The following CHST1 variants were observed in gnomAD, a reference collection of about 807,000 sequenced individuals.
CHST1 encodes the protein carbohydrate sulfotransferase 1, also known as Keratan sulfotransferase.
A neutral mutation model predicts 22.5 loss-of-function variants in CHST1; 10 were observed. That is an observed-to-expected ratio of 0.44 (90% CI 0.27 to 0.75). The LOEUF is 0.75. Among genes scored for constraint, CHST1 ranks in the 30% least tolerant of loss-of-function variants. CHST1 has a pLI of 0.15. For missense variants in CHST1, 439 were observed against 576.1 expected, an observed-to-expected ratio of 0.76 and a Z score of 2.44; for synonymous variants, 267 against 264.5, an observed-to-expected ratio of 1.01 and a Z score of -0.09.
chr11:45,650,920 G>C lies in CHST1; in HGVS notation c.4C>G (p.Gln2Glu), dbSNP rs780417954. The C allele has an allele frequency of 1.3e-6, 2 of 1,530,140 alleles. No homozygotes were observed. The highest frequency in any genetic ancestry group is 1.8e-6 in the Non-Finnish European group (2 of 1,138,820). The allele number at this position is 1,530,140 out of a possible 1,614,324, so 94.8% of individuals were successfully genotyped here. ...AGGAGGACGGCCTTCCAGGAACATT[G>C]CATGGCTGGGCACCTTCATGGGGCT... M[Q>E]CSWKAVLLLA... The change falls in exon 4 of 4, where the codon CAA (glutamine) becomes GAA (glutamate). Residue 2 changes from glutamine to glutamate, a missense_variant. Physicochemically the swap from Gln to Glu is conservative, Grantham distance 29. Coordinates refer to ENST00000308064, the MANE Select transcript of CHST1 (RefSeq NM_003654.6).
rs1000809366 is a variant in CHST1 at position 45,657,545 on chromosome 11, G to C, written c.-226-4939C>G. On this transcript the variant is annotated intron_variant, in intron 1 of 3. Coordinates refer to ENST00000308064, the MANE Select transcript of CHST1 (RefSeq NM_003654.6). ...TTTCTCCCAAGGGAGCTCTTACAGA[G>C]CTCTGTGCGTGTGCCACCATGAACT... Among the ~76,000 whole-genome samples the C allele has an allele frequency of 2.0e-5, 3 of 152,232 alleles. 1 individual carries two copies. The highest frequency in any genetic ancestry group is 4.4e-5 in the Non-Finnish European group (3 of 68,038).
intron 1 of CHST1, among the ~76,000 whole-genome samples, chr11:45,657,297 G>A (rs1021754938): frequency 8.6e-6 from 1 of 116,782 alleles, no homozygotes; most frequent in Non-Finnish European, 2.0e-5. Flanking sequence ...AAAATGAGGT[G>A]ATGAAAATGA....
At position 45,650,330 on chromosome 11, in the gene CHST1, G is replaced by A; in HGVS notation, c.594C>T (p.Arg198=). 1 of 1,603,794 alleles carries A rather than the reference G, an allele frequency of 6.2e-7. No homozygotes were observed. The highest frequency in any genetic ancestry group is 8.5e-7 in the Non-Finnish European group (1 of 1,179,692). ...LNLTVAAEAC[R]ERSHVAIKTV... is the part of the protein sequence containing the mutation. ...TCTTGATGGCCACGTGGCTGCGCTC[G>A]CGGCACGCCTCGGCCGCCACGGTCA... The change falls in exon 4 of 4, where the codon CGC becomes CGT. Residue 198 remains arginine (R), a synonymous_variant. Transcript: ENST00000308064.
At chr11:45,657,946 A>G (rs1487319164) in intron 1 of CHST1, among the ~76,000 whole-genome samples, 1 of 152,170 alleles carries the variant, frequency 6.6e-6, no homozygotes, top group Non-Finnish European at 1.5e-5. Context: ...CAAGACAAGC[A>G]CCTGGAGAGC....
chr11:45,652,114 G>C (rs532000717), intron 2 of CHST1, 24 bp from the exon 3 acceptor site: 1 of 152,350 alleles, frequency 6.6e-6, no homozygotes, highest in African/African-American at 2.4e-5. Flanking sequence ...GGAGGGGAAG[G>C]GCTCAGAAGG....
chr11:45,651,135 G>A (rs772348983), intron 3 of CHST1, 170 bp from the exon 4 acceptor site: 23 of 449,642 alleles, frequency 5.1e-5, no homozygotes, highest in Non-Finnish European at 8.1e-5. Context: ...CGTTCTCTGG[G>A]GGACTCCTGG....
At chr11:45,660,726 C>G (rs1421018129) in intron 1 of CHST1, among the ~76,000 whole-genome samples, 1 of 152,222 alleles carries the variant, frequency 6.6e-6, no homozygotes, top group Non-Finnish European at 1.5e-5. Context: ...ACCAGCCCCC[C>G]TCCATCTCCT....
At chr11:45,657,917 C>T (rs1046076806) in intron 1 of CHST1, among the ~76,000 whole-genome samples, 1 of 152,228 alleles carries the variant, frequency 6.6e-6, no homozygotes, top group Non-Finnish European at 1.5e-5. Flanking sequence ...TAGGGACAAG[C>T]TCTCACAGTC....
At position 45,650,466 on chromosome 11, in the gene CHST1, C is replaced by A; in HGVS notation, c.458G>T (p.Arg153Leu). ...GCAGAGGACCCGGCTGGCCCCGCGG[C>A]GGAAGATCCTGTCGGTGGTGTGGTT... ...PVNHTTDRIF[R>L]RGASRVLCSR... The change falls in exon 4 of 4, where the codon CGC (arginine) becomes CTC (leucine). Residue 153 changes from arginine to leucine, a missense_variant. Transcript: ENST00000308064. The A allele has an allele frequency of 6.2e-7, 1 of 1,612,748 alleles. No individual in the cohort carries two copies. Among genetic ancestry groups the A allele is most frequent in the South Asian group, 1.1e-5 (1 of 91,076 alleles).
chr11:45,659,445 G>T (rs1565000248), intron 1 of CHST1, among the ~76,000 whole-genome samples: 1 of 152,104 alleles, frequency 6.6e-6, no homozygotes, highest in African/African-American at 2.4e-5. Flanking sequence ...CCCAGATACT[G>T]GTGCATCTGA....
rs45627737 is a variant in CHST1 at position 45,663,544 on chromosome 11, T to G, written c.-227+1634A>C. 1.9e-3 allele frequency among the ~76,000 whole-genome samples: 292 copies of G among 152,298 alleles called. 2 individuals are homozygous for G. Among genetic ancestry groups the G allele is most frequent in the Admixed American group, 0.015 (228 of 15,302 alleles). Reference sequence around the variant, plus strand: ...TTGGATTTTAGGGAAAATGCGTTTCTGCTTTGAGATGGGGAAGCCGGGTGT... The same window carrying G: ...TTGGATTTTAGGGAAAATGCGTTTCGGCTTTGAGATGGGGAAGCCGGGTGT... On this transcript the variant is annotated intron_variant, in intron 1 of 3. Coordinates refer to ENST00000308064, the MANE Select transcript of CHST1 (RefSeq NM_003654.6).
chr11:45,653,795 C>T (rs914205661), intron 1 of CHST1, among the ~76,000 whole-genome samples: 1 of 152,204 alleles, frequency 6.6e-6, no homozygotes, highest in Non-Finnish European at 1.5e-5. Context: ...CAAGCACTTG[C>T]TGGGCATTCA....
In CHST1 at chr11:45,649,674, C is replaced by A. The variant is rs764530087; in HGVS notation, c.*14G>T. 22 of 1,533,162 alleles carry A rather than the reference C, an allele frequency of 1.4e-5. No individual in the cohort carries two copies. Among genetic ancestry groups the A allele is most frequent in the Middle Eastern group, 1.8e-4 (1 of 5,622 alleles). 95.0% of individuals were successfully genotyped at this position (1,533,162 alleles called of 1,614,324 possible). A position where few individuals can be genotyped will look rare whatever the true frequency, so the allele number is the denominator to read the frequency against. ...GACACCTTGCGCCTCCCGCCCCCACCCGCACCGCCCGGGTCACGAGAAGGG... is the reference window on the plus strand; with the variant it reads ...GACACCTTGCGCCTCCCGCCCCCACACGCACCGCCCGGGTCACGAGAAGGG... On this transcript the variant is annotated 3_prime_UTR_variant, in exon 4 of 4. Transcript: ENST00000308064.
intron 1 of CHST1, 171 bp from the exon 2 acceptor site, chr11:45,652,777 A>G (rs909698334): frequency 1.3e-5 from 2 of 152,254 alleles, no homozygotes; most frequent in African/African-American, 4.8e-5. Context: ...GTGGAAGCCA[A>G]TATCTGCCCA....
chr11:45,651,252 G>A (rs1249109701), intron 3 of CHST1: 3 of 226,162 alleles, frequency 1.3e-5, no homozygotes, highest in African/African-American at 4.5e-5. Flanking sequence ...GGGGCCTCAC[G>A]GGGCAAGAGC....
At position 45,665,410 on chromosome 11, in the gene CHST1, C is replaced by G. The variant is rs956588424; in HGVS notation, c.-459G>C. ...CCGGGGGCGCGAGCCCGGGGCGGCT[C>G]GAGCAGCTGAGTGCGTTCTCTCCGG... On this transcript the variant is annotated 5_prime_UTR_variant, in exon 1 of 4. Coordinates refer to ENST00000308064, the MANE Select transcript of CHST1 (RefSeq NM_003654.6). This position sits in a 1 kb window ranked among gnomAD's most constrained non-coding sequence, Gnocchi z 4.0. The G allele has an allele frequency of 1.3e-5, 2 of 151,730 alleles. No individual in the cohort carries two copies. The highest frequency in any genetic ancestry group is 2.9e-5 in the Non-Finnish European group (2 of 67,900). 9.4% of individuals were successfully genotyped at this position (151,730 alleles called of 1,614,324 possible).
At position 45,657,360 on chromosome 11, in the gene CHST1, A is replaced by G. The variant is rs543686465; in HGVS notation, c.-226-4754T>C. On this transcript the variant is annotated intron_variant, in intron 1 of 3. Transcript: ENST00000308064. The stretch of plus-strand genomic sequence containing the variant: ...TAAGAGTCTGAAACAACCAGAGGCC[A>G]AGTCAGTGTACAAGAGTCACACCAT... Among the ~76,000 whole-genome samples, 4 of 152,334 alleles carry G rather than the reference A, an allele frequency of 2.6e-5. No individual in the cohort carries two copies. In the East Asian group the frequency reaches 7.7e-4, roughly 29 times the overall value.
Position 45,650,864 on chromosome 11 carries a change from G to A in CHST1, c.60C>T (p.Tyr20=). The part of the protein sequence containing the change: ...LLALASIAIQ[Y]TAIRTFTAKS... ...TGGCGGTGAAGGTGCGGATGGCCGT[G>A]TACTGGATGGCAATGGAGGCCAGGG... is the stretch of plus-strand genomic sequence containing the variant. Residue 20 remains tyrosine, a synonymous_variant, in exon 4 of 4, where the codon TAC becomes TAT. Coordinates refer to ENST00000308064, the MANE Select transcript of CHST1 (RefSeq NM_003654.6). 1 of 1,574,816 alleles carries A rather than the reference G, an allele frequency of 6.3e-7. No individual in the cohort carries two copies. Among genetic ancestry groups the A allele is most frequent in the Non-Finnish European group, 8.6e-7 (1 of 1,158,738 alleles).
intron 1 of CHST1, among the ~76,000 whole-genome samples, chr11:45,663,754 T>G (rs1239669719): frequency 1.3e-5 from 2 of 151,528 alleles, no homozygotes; most frequent in African/African-American, 4.9e-5. Flanking sequence ...AAATCAAAGG[T>G]GCCATGCCAG....
Sources: gnomAD v4.1 joint callset for allele counts (sites outside exome capture counted in the v4.1 genomes callset) on GRCh38, gnomAD v4.1.1 for gene constraint, Gnocchi (gnomAD v3.1) non-coding constraint, MANE v1.5 for transcripts, NCBI Gene and HGNC (gene_info 2026-07-23, HGNC 2026-07-21) for gene names.